The following WDFY3 variants were observed in gnomAD, a reference collection of about 807,000 sequenced individuals.
WDFY3 encodes WD repeat and FYVE domain-containing protein 3.
In WDFY3, 66 loss-of-function variants were observed where a neutral mutation model predicts 409.6. That is an observed-to-expected ratio of 0.16 (90% CI 0.13 to 0.20). The LOEUF is 0.20. WDFY3 is among the 10% of genes least tolerant of loss of function. WDFY3 has a pLI of 1.00. For missense variants in WDFY3, 3,031 were observed against 4,298.1 expected, an observed-to-expected ratio of 0.71 and a Z score of 8.24; for synonymous variants, 1,521 against 1,537.1, an observed-to-expected ratio of 0.99 and a Z score of 0.25.
chr4:84,893,882 C>A (rs1418724541), intron 3 of WDFY3, among the ~76,000 whole-genome samples: 2 of 151,744 alleles, frequency 1.3e-5, no homozygotes, highest in Non-Finnish European at 2.9e-5. Context: ...CCCAGCTACT[C>A]AGGAGGCTGA....
intron 3 of WDFY3, among the ~76,000 whole-genome samples, chr4:84,884,990 C>G (rs1369505060): frequency 6.6e-6 from 1 of 152,052 alleles, no homozygotes; most frequent in African/African-American, 2.4e-5. Flanking sequence ...GAAGAACATA[C>G]ATATTCTTTG....
chr4:84,797,592 A>ATTTATTTT (rs1749687908), intron 18 of WDFY3, among the ~76,000 whole-genome samples: 2 of 150,706 alleles, frequency 1.3e-5, no homozygotes, highest in African/African-American at 4.9e-5. Flanking sequence ...TTATTTATTT[A>ATTTATTTT]TTTTTTGAGA....
chr4:84,704,764 A>G (rs1731644125), intron 54 of WDFY3, among the ~76,000 whole-genome samples: 1 of 152,202 alleles, frequency 6.6e-6, no homozygotes, highest in Admixed American at 6.6e-5. Context: ...ATTGACTTAT[A>G]GTTTTTATTA....
rs144442290 is a variant in WDFY3, at chr4:84,794,975, G to C, written c.3172C>G (p.Leu1058Val). The change falls in exon 20 of 68, where the codon CTT (leucine) becomes GTT (valine). Residue 1058 changes from leucine (L) to valine (V), a missense_variant. Transcript: ENST00000295888. ...FDTSLEGFGC[L>V]FLPSLAPHNA... is the part of the protein sequence containing the mutation. ...TGAGGGGCCAAACTGGGCAAAAAAA[G>C]ACATCTATTAAAGAAAAGACAACAT... The C allele has an allele frequency of 3.8e-5, 59 of 1,547,574 alleles. No homozygotes were observed. In the African/African-American group the frequency reaches 6.9e-4, roughly 18 times the overall value.
At chr4:84,851,010 C>T (rs183481327) in intron 4 of WDFY3, among the ~76,000 whole-genome samples, 100 of 111,172 alleles carry the variant, frequency 9.0e-4, no homozygotes, top group African/African-American at 3.4e-3. Flanking sequence ...AGGTCTTGAA[C>T]TCCTGGGTTC....
intron 44 of WDFY3, among the ~76,000 whole-genome samples, chr4:84,728,058 A>G (rs1363658826): frequency 6.6e-6 from 1 of 152,182 alleles, no homozygotes; most frequent in Non-Finnish European, 1.5e-5. Context: ...AAAGAAAAAA[A>G]AATCACTGAA....
intron 15 of WDFY3, among the ~76,000 whole-genome samples, chr4:84,807,019 A>G (rs920471186): frequency 1.3e-5 from 2 of 152,142 alleles, no homozygotes; most frequent in Non-Finnish European, 2.9e-5. Flanking sequence ...TTAAGGCTTT[A>G]CTCATTTATG....
At chr4:84,812,131 C>T (rs1260157532) in intron 13 of WDFY3, among the ~76,000 whole-genome samples, 1 of 152,080 alleles carries the variant, frequency 6.6e-6, no homozygotes, top group Non-Finnish European at 1.5e-5. Flanking sequence ...TTGTTCACAC[C>T]TATTCCTTAA....
At chr4:84,959,280 T>C (rs1290516835) in intron 1 of WDFY3, among the ~76,000 whole-genome samples, 1 of 152,044 alleles carries the variant, frequency 6.6e-6, no homozygotes, top group Non-Finnish European at 1.5e-5. Flanking sequence ...ACTTAAGATC[T>C]ATTCAAGAAT....
chr4:84,699,806 T>C lies in WDFY3; in HGVS notation c.8596+2547A>G, dbSNP rs80258080. 2.6e-5 allele frequency among the ~76,000 whole-genome samples: 4 copies of C among 152,194 alleles called. No individual in the cohort carries two copies. The East Asian group carries it at 7.7e-4, about 29-fold the overall frequency. On this transcript the variant is annotated intron_variant, in intron 56 of 67. Transcript: ENST00000295888. Reference sequence around the variant, plus strand: ...TTTTGATTTGCATTCCCCTAATGACTAATGATGTTCAGCATCTTTTCATGA... The same window carrying C: ...TTTTGATTTGCATTCCCCTAATGACCAATGATGTTCAGCATCTTTTCATGA...
chr4:84,741,905 C>A lies in WDFY3; in HGVS notation c.6090G>T (p.Leu2030=). The A allele has an allele frequency of 6.3e-7, 1 of 1,591,662 alleles. No homozygotes were observed. Among genetic ancestry groups the A allele is most frequent in the Non-Finnish European group, 8.6e-7 (1 of 1,165,008 alleles). Residue 2030 remains leucine, a synonymous_variant, in exon 38 of 68, where the codon CTG becomes CTT. Transcript: ENST00000295888. ...ADVLLGEDAS[L]PITSGGSYQV... ...GGTAGCTTCCTCCACTGGTAATAGG[C>A]AGAGATGCATCTTCCCCTAAATTCC...
At chr4:84,703,531 T>C (rs925077409) in intron 55 of WDFY3, among the ~76,000 whole-genome samples, 2 of 152,118 alleles carry the variant, frequency 1.3e-5, no homozygotes, top group Admixed American at 6.6e-5. Flanking sequence ...CAACTAACTT[T>C]CCTCCTTACT....
Position 84,831,119 on chromosome 4 carries a change from G to A in WDFY3, c.769+294C>T, listed in dbSNP as rs553527061. 2.6e-5 allele frequency among the ~76,000 whole-genome samples: 4 copies of A among 151,096 alleles called. No homozygotes were observed. In the South Asian group the frequency reaches 8.4e-4, roughly 32 times the overall value. ...GAGAACTGCTTGAACCCGGGAGGAT[G>A]GAGGTTGCAGTGAGCCAAGATCGCG... On this transcript the variant is annotated intron_variant, in intron 8 of 67. Coordinates refer to ENST00000295888, the MANE Select transcript of WDFY3 (RefSeq NM_014991.6).
intron 61 of WDFY3, among the ~76,000 whole-genome samples, chr4:84,688,702 T>C (rs960552743): frequency 2.0e-5 from 3 of 151,450 alleles, no homozygotes; most frequent in African/African-American, 7.3e-5. Flanking sequence ...AGAATTACAA[T>C]TGAATGAATT....
intron 3 of WDFY3, among the ~76,000 whole-genome samples, chr4:84,896,496 A>G (rs1443690181): frequency 6.6e-6 from 1 of 152,178 alleles, no homozygotes; most frequent in Non-Finnish European, 1.5e-5. Context: ...AAGCATTTTT[A>G]GCCATTAAGA....
chr4:84,739,438 CTG>C, intron 39 of WDFY3: 1 of 272,460 alleles, frequency 3.7e-6, no homozygotes, highest in South Asian at 4.2e-5. Flanking sequence ...TCTAATATGC[CTG>C]TGTCCTCTCT....
intron 58 of WDFY3, among the ~76,000 whole-genome samples, chr4:84,693,716 C>A (rs1729635749): frequency 6.6e-6 from 1 of 151,740 alleles, no homozygotes; most frequent in South Asian, 2.1e-4. Flanking sequence ...GGCAATATGG[C>A]GAAACCCGTC....
chr4:84,711,217 G>C (rs1396446771), intron 51 of WDFY3, among the ~76,000 whole-genome samples: 2 of 152,184 alleles, frequency 1.3e-5, no homozygotes, highest in African/African-American at 4.8e-5. Context: ...TTACCTAGAA[G>C]GCCTCGCTAA....
intron 36 of WDFY3, among the ~76,000 whole-genome samples, chr4:84,744,566 A>C (rs1454435613): frequency 6.6e-6 from 1 of 152,180 alleles, no homozygotes; most frequent in African/African-American, 2.4e-5. Context: ...AAAAAAAGTA[A>C]GAAGGGGCCG....
Sources: gnomAD v4.1 joint callset for allele counts (sites outside exome capture counted in the v4.1 genomes callset) on GRCh38, gnomAD v4.1.1 for gene constraint, MANE v1.5 for transcripts, NCBI Gene and HGNC (gene_info 2026-07-23, HGNC 2026-07-21) for gene names.